The following DUS2 variants were observed in gnomAD, a reference collection of about 807,000 sequenced individuals.
DUS2 encodes dihydrouridine synthase 2.
Under a neutral mutation model 71.3 loss-of-function variants are expected in DUS2, and 52 were observed. The ratio of observed to expected loss-of-function variants is 0.73; its 90% CI spans 0.58 to 0.92. DUS2 has a LOEUF of 0.92. DUS2 is among the 40% of genes least tolerant of loss of function. The pLI, the probability that DUS2 is intolerant of heterozygous loss-of-function variation, is 0.00. For missense variants in DUS2, 558 were observed against 622.6 expected (o/e 0.90, Z 1.10); for synonymous variants, 204 against 227.8 (o/e 0.90, Z 0.94).
intron 2 of DUS2, 33 bp from the exon 3 acceptor site, chr16:68,037,973 A>G: frequency 6.3e-7 from 1 of 1,598,210 alleles, no homozygotes; most frequent in Non-Finnish European, 8.5e-7. Context: ...CTTCATTTGA[A>G]TTTCTGACTC....
Position 68,071,255 on chromosome 16 carries a change from T to G in DUS2, c.810+147T>G. The G allele has an allele frequency of 9.6e-6, 8 of 835,658 alleles. No homozygotes were observed. The South Asian group carries it at 1.3e-4, about 14-fold the overall frequency. The allele number at this position is 835,658 out of a possible 1,614,324, so 51.8% of individuals were successfully genotyped here. ...GCTCATGTAGTGTAGCTGCACTAGC[T>G]CACTGCTTTATTCGGTCTCCCCAGC... On this transcript the variant is annotated intron_variant, in intron 12 of 16. Coordinates refer to ENST00000565263, the MANE Select transcript of DUS2 (RefSeq NM_017803.5).
At chr16:68,036,059 C>T (rs1314989998) in intron 2 of DUS2, among the ~76,000 whole-genome samples, 4 of 150,728 alleles carry the variant, frequency 2.7e-5, no homozygotes, top group African/African-American at 4.9e-5. Context: ...TGCAATGGCG[C>T]GATCTTGGCT....
chr16:68,061,514 G>A (rs760971910), intron 8 of DUS2, among the ~76,000 whole-genome samples: 7 of 152,140 alleles, frequency 4.6e-5, no homozygotes, highest in Non-Finnish European at 8.8e-5. Context: ...CCTCTCCCAG[G>A]GGGCTTGATG....
In DUS2 at chr16:68,075,210, G is replaced by A; in HGVS notation, c.933-145G>A. 3 of 686,132 alleles carry A rather than the reference G, an allele frequency of 4.4e-6. No individual in the cohort carries two copies. The South Asian group carries it at 9.1e-5, about 21-fold the overall frequency. The allele number at this position is 686,132 out of a possible 1,614,324, so 42.5% of individuals were successfully genotyped here. On this transcript the variant is annotated intron_variant, in intron 13 of 16. Coordinates refer to ENST00000565263, the MANE Select transcript of DUS2 (RefSeq NM_017803.5). ...CCACAGTAATCCCAGGGCTGGGCAG[G>A]GGGCACATTCTGATGGCCAGGCCCC...
intron 2 of DUS2, among the ~76,000 whole-genome samples, chr16:68,033,931 C>A (rs143906597): frequency 4.1e-4 from 62 of 152,056 alleles, no homozygotes; most frequent in African/African-American, 1.4e-3. Context: ...CGTGCCCAGC[C>A]CAATTTTTGC....
At chr16:68,033,235 G>A (rs370716631) in intron 2 of DUS2, among the ~76,000 whole-genome samples, 5 of 152,244 alleles carry the variant, frequency 3.3e-5, no homozygotes, top group Admixed American at 1.3e-4. Flanking sequence ...GGTTTCTGGT[G>A]CGCAGTTGTG....
At chr16:68,053,723 C>T (rs1039003100) in intron 5 of DUS2, 68 bp downstream of exon 5, 17 of 1,536,484 alleles carry the variant, frequency 1.1e-5, no homozygotes, top group Non-Finnish European at 1.5e-5. Context: ...AACTCATGCC[C>T]TGTGCCAGGC....
At chr16:68,073,844 C>T (rs1336986138) in intron 12 of DUS2, among the ~76,000 whole-genome samples, 190 bp from the exon 13 acceptor site, 1 of 152,160 alleles carries the variant, frequency 6.6e-6, no homozygotes, top group African/African-American at 2.4e-5. Flanking sequence ...CTGCATTGGC[C>T]TCTCAGAGTG....
chr16:68,075,016 T>C (rs955593538), intron 13 of DUS2, among the ~76,000 whole-genome samples: 2 of 152,150 alleles, frequency 1.3e-5, no homozygotes, highest in Non-Finnish European at 2.9e-5. Flanking sequence ...CCCATGTGCT[T>C]GATCAGCATT....
At chr16:68,046,556 A>G (rs1203769661) in intron 3 of DUS2, among the ~76,000 whole-genome samples, 1 of 151,730 alleles carries the variant, frequency 6.6e-6, no homozygotes, top group Non-Finnish European at 1.5e-5. Flanking sequence ...TTTTGTTGGC[A>G]TAAGCCAACT....
intron 3 of DUS2, among the ~76,000 whole-genome samples, chr16:68,040,597 C>T (rs2033608695): frequency 6.6e-6 from 1 of 152,152 alleles, no homozygotes; most frequent in Non-Finnish European, 1.5e-5. Context: ...GTCAGTATAA[C>T]TTACAAATAA....
At chr16:68,064,211 C>G (rs972264376) in intron 8 of DUS2, among the ~76,000 whole-genome samples, 1 of 152,196 alleles carries the variant, frequency 6.6e-6, no homozygotes, top group African/African-American at 2.4e-5. Flanking sequence ...TGTGCTGTTC[C>G]TCTGCTCAAA....
chr16:68,046,335 C>T (rs1028898570), intron 3 of DUS2, among the ~76,000 whole-genome samples: 28 of 151,422 alleles, frequency 1.8e-4, no homozygotes, highest in African/African-American at 5.8e-4. Flanking sequence ...CTTAGGATAA[C>T]GGCTGCCAGC....
At chr16:68,050,662 T>C (rs1006562645) in intron 4 of DUS2, among the ~76,000 whole-genome samples, 1 of 152,194 alleles carries the variant, frequency 6.6e-6, no homozygotes, top group African/African-American at 2.4e-5. Flanking sequence ...AAAAAAAATG[T>C]ATCTATATCT....
At chr16:68,033,381 T>C (rs1468945646) in intron 2 of DUS2, among the ~76,000 whole-genome samples, 3 of 152,156 alleles carry the variant, frequency 2.0e-5, no homozygotes, top group Non-Finnish European at 4.4e-5. Flanking sequence ...ATTAATGAAA[T>C]GGGAAAGATT....
rs921194144 is a variant in DUS2 at position 68,023,307 on chromosome 16, A to G, written c.-143A>G. On this transcript the variant is annotated 5_prime_UTR_variant, in exon 1 of 17. Coordinates refer to ENST00000565263, the MANE Select transcript of DUS2 (RefSeq NM_017803.5). ...TCAGTACGGTGTGTGGAGCTGGAGC[A>G]CCGTGAGGAAGAAGCGAGGTTCTTT... The G allele has an allele frequency of 6.8e-6, 9 of 1,319,458 alleles. No individual in the cohort carries two copies. The African/African-American group carries it at 1.2e-4, about 18-fold the overall frequency. The allele number at this position is 1,319,458 out of a possible 1,614,324, so 81.7% of individuals were successfully genotyped here.
Position 68,074,046 on chromosome 16 carries a change from G to A in DUS2, c.823G>A (p.Asp275Asn), listed in dbSNP as rs1229936666. The change falls in exon 13 of 17, where the codon GAC becomes AAC. Residue 275 changes from aspartate to asparagine, a missense_variant. Asp to Asn is a conservative substitution (Grantham distance 23, BLOSUM62 1). Coordinates refer to ENST00000565263, the MANE Select transcript of DUS2 (RefSeq NM_017803.5). ...TTTCTTTTCTCAGGCGGTGCAGTAT[G>A]ACAACCACTACACCAACACCAAGTA... ...QKYIRYAVQY[D>N]NHYTNTKYCL... 1 of 1,614,008 alleles carries A rather than the reference G, an allele frequency of 6.2e-7. No homozygotes were observed. The highest frequency in any genetic ancestry group is 8.5e-7 in the Non-Finnish European group (1 of 1,179,994).
At chr16:68,042,928 G>GAACTCCTGGTCTCC in intron 3 of DUS2, among the ~76,000 whole-genome samples, 1 of 151,888 alleles carries the variant, frequency 6.6e-6, no homozygotes, top group East Asian at 1.9e-4. Context: ...GACTGGTCTC[G>GAACTCCTGGTCTCC]AACTCCTGGC....
In DUS2 at chr16:68,078,755, G is replaced by C. The variant is rs1311228803; in HGVS notation, c.1251G>C (p.Lys417Asn). The C allele has an allele frequency of 6.2e-7, 1 of 1,607,552 alleles. No homozygotes were observed. Among genetic ancestry groups the C allele is most frequent in the South Asian group, 1.1e-5 (1 of 90,838 alleles). The change falls in exon 17 of 17, where the codon AAG becomes AAC. Residue 417 changes from lysine to asparagine, a missense_variant. Lys to Asn is a moderately conservative substitution (Grantham distance 94). Transcript: ENST00000565263. The stretch of plus-strand genomic sequence containing the variant: ...TTGCCCTCTGTCTGCTCAGGGACAA[G>C]TCCAAGAAACTGGCGGAGCAGGCTG... ...EQKYQSTLWD[K>N]SKKLAEQAAA... is the part of the protein sequence containing the mutation.
Sources: gnomAD v4.1 joint callset for allele counts (sites outside exome capture counted in the v4.1 genomes callset) on GRCh38, gnomAD v4.1.1 for gene constraint, MANE v1.5 for transcripts, NCBI Gene and HGNC (gene_info 2026-07-23, HGNC 2026-07-21) for gene names.